The following TM4SF4 variants were observed in gnomAD, a reference collection of about 807,000 sequenced individuals.
TM4SF4 encodes the protein transmembrane 4 L6 family member 4.
Under a neutral mutation model 24.1 loss-of-function variants are expected in TM4SF4, and 24 were observed. That is an observed-to-expected ratio of 1.00 (90% CI 0.72 to 1.40). TM4SF4 has a LOEUF of 1.40. TM4SF4 is among the 40% of genes most tolerant of loss of function. TM4SF4 has a pLI of 0.00. For synonymous variants in TM4SF4, 113 were observed against 97.0 expected (o/e 1.17, Z -0.97); for missense variants, 254 against 254.2 (o/e 1.00, Z 0.01).
intron 3 of TM4SF4, among the ~76,000 whole-genome samples, chr3:149,490,550 T>G (rs528307443): frequency 1.3e-5 from 2 of 152,296 alleles, no homozygotes; most frequent in African/African-American, 4.8e-5. Context: ...AAATCCAAGT[T>G]TTCTCACTCC....
chr3:149,479,356 C>A (rs538159656), intron 2 of TM4SF4, among the ~76,000 whole-genome samples: 1 of 133,514 alleles, frequency 7.5e-6, no homozygotes, highest in South Asian at 2.2e-4. Flanking sequence ...ATTTCTTTTT[C>A]TTTTCTTTTC....
At chr3:149,476,814 G>GTTTTTTTTTTTTTTT (rs67092416) in intron 2 of TM4SF4, among the ~76,000 whole-genome samples, 1 of 81,208 alleles carries the variant, frequency 1.2e-5, no homozygotes, top group Admixed American at 1.4e-4. Flanking sequence ...TTTTGTTTTT[G>GTTTTTTTTTTTTTTT]TTTTTTTTTT....
chr3:149,475,930 G>A lies in TM4SF4; in HGVS notation c.264+18G>A, dbSNP rs773294618. ...GATTTGCGGTGAGTTACCATGGGGG[G>A]CAGCTACTAGAATTACTCCAGGGTG... On this transcript the variant is annotated intron_variant, in intron 2 of 4. Transcript: ENST00000305354. 27 of 1,598,392 alleles carry A rather than the reference G, an allele frequency of 1.7e-5. No individual in the cohort carries two copies. In the East Asian group the frequency reaches 4.0e-4, roughly 24 times the overall value.
chr3:149,476,659 A>G (rs1733932999), intron 2 of TM4SF4, among the ~76,000 whole-genome samples: 1 of 152,232 alleles, frequency 6.6e-6, no homozygotes, highest in Non-Finnish European at 1.5e-5. Flanking sequence ...CTGGTGCTAC[A>G]CAGATGTGCT....
At chr3:149,497,681 G>A (rs568271456) in intron 3 of TM4SF4, among the ~76,000 whole-genome samples, 2 of 151,972 alleles carry the variant, frequency 1.3e-5, no homozygotes, top group Non-Finnish European at 2.9e-5. Context: ...TTTCGTTCTT[G>A]TTGCCCAGGC....
intron 2 of TM4SF4, among the ~76,000 whole-genome samples, chr3:149,478,807 A>G (rs1733979110): frequency 1.3e-5 from 2 of 152,200 alleles, no homozygotes; most frequent in Non-Finnish European, 2.9e-5. Flanking sequence ...GTCCCCCAGC[A>G]GGCTGGAGTG....
chr3:149,484,877 G>A (rs1237225996), intron 2 of TM4SF4, among the ~76,000 whole-genome samples: 3 of 152,008 alleles, frequency 2.0e-5, no homozygotes, highest in Non-Finnish European at 4.4e-5. Flanking sequence ...ACTATAACAA[G>A]GCCTAGAATA....
At chr3:149,491,380 C>T (rs1046037162) in intron 3 of TM4SF4, among the ~76,000 whole-genome samples, 2 of 151,782 alleles carry the variant, frequency 1.3e-5, no homozygotes, top group Non-Finnish European at 1.5e-5. Flanking sequence ...GTGGGAGGAT[C>T]GTTTGGGCCC....
intron 2 of TM4SF4, among the ~76,000 whole-genome samples, chr3:149,483,438 G>T (rs1345576035): frequency 1.3e-5 from 2 of 150,918 alleles, no homozygotes; most frequent in African/African-American, 2.4e-5. Context: ...AACACAGTGA[G>T]ACCCCATCTC....
intron 3 of TM4SF4, among the ~76,000 whole-genome samples, chr3:149,496,827 A>T (rs1419141196): frequency 1.3e-5 from 2 of 151,972 alleles, no homozygotes; most frequent in Non-Finnish European, 2.9e-5. Context: ...ATCTCAGTGA[A>T]TTCTCACAAT....
Position 149,487,713 on chromosome 3 carries a change from G to A in TM4SF4, c.359G>A (p.Cys120Tyr). 1 of 1,614,004 alleles carries A rather than the reference G, an allele frequency of 6.2e-7. No homozygotes were observed. The highest frequency in any genetic ancestry group is 8.5e-7 in the Non-Finnish European group (1 of 1,179,888). ...ATTTCAATCAACAAGGGTCCTAAAT[G>A]CCTCATGGCCAATAGTACATGGGGC... Reference protein sequence around the residue: ...SAISINKGPKCLMANSTWGYP... With the variant: ...SAISINKGPKYLMANSTWGYP... The change falls in exon 3 of 5, where the codon TGC (cysteine) becomes TAC (tyrosine). Residue 120 changes from cysteine (C) to tyrosine (Y), a missense_variant. Transcript: ENST00000305354.
intron 3 of TM4SF4, chr3:149,495,672 G>A: frequency 3.4e-6 from 1 of 289,940 alleles, no homozygotes; most frequent in Non-Finnish European, 7.1e-6. Flanking sequence ...GCACCACCCA[G>A]GCCAAATCAG....
chr3:149,477,382 T>A (rs1460862316), intron 2 of TM4SF4, among the ~76,000 whole-genome samples: 2 of 152,168 alleles, frequency 1.3e-5, no homozygotes, highest in Non-Finnish European at 2.9e-5. Context: ...TCCTGTAATC[T>A]CCCATGGTTC....
At chr3:149,476,792 GTTTTTTT>G (rs1222196664) in intron 2 of TM4SF4, among the ~76,000 whole-genome samples, 1 of 102,854 alleles carries the variant, frequency 9.7e-6, no homozygotes, top group Non-Finnish European at 2.2e-5. Flanking sequence ...TTTCTTTTCT[GTTTTTTT>G]TTGTTTTTGT....
chr3:149,478,322 T>C (rs1733971927), intron 2 of TM4SF4, among the ~76,000 whole-genome samples: 1 of 152,114 alleles, frequency 6.6e-6, no homozygotes, highest in Non-Finnish European at 1.5e-5. Flanking sequence ...ATTTTGTATT[T>C]TTAGTAGAGA....
rs1283774542 is a variant in TM4SF4 at position 149,475,005 on chromosome 3, C to T, written c.128C>T (p.Ser43Phe). Residue 43 changes from serine (S) to phenylalanine (F), a missense_variant, in exon 1 of 5, where the codon TCC becomes TTC. Ser to Phe is a radical substitution (Grantham distance 155). Coordinates refer to ENST00000305354, the MANE Select transcript of TM4SF4 (RefSeq NM_004617.4). ...GTGATAGATGACAACGACCACCTTTCCCAAGAGATCTGGTTTTTCGGAGGA... is the reference window on the plus strand; with the variant it reads ...GTGATAGATGACAACGACCACCTTTTCCAAGAGATCTGGTTTTTCGGAGGA... ...GKVIDDNDHL[S>F]QEIWFFGGIL... is the part of the protein sequence containing the mutation. The T allele has an allele frequency of 6.2e-7, 1 of 1,613,730 alleles. No homozygotes were observed. The highest frequency in any genetic ancestry group is 8.5e-7 in the Non-Finnish European group (1 of 1,179,856).
rs188249785 is a variant in TM4SF4, at chr3:149,475,836, C to T, written c.188C>T (p.Ala63Val). 1.0e-4 allele frequency: 168 copies of T among 1,611,492 alleles called. No homozygotes were observed. The highest frequency in any genetic ancestry group is 1.2e-4 in the Non-Finnish European group (137 of 1,179,006). Residue 63 changes from alanine to valine, a missense_variant, in exon 2 of 5, where the codon GCG becomes GTG. Coordinates refer to ENST00000305354, the MANE Select transcript of TM4SF4 (RefSeq NM_004617.4). ...TTCTCCTGGTAGATGATCTTCCCTGCGCTGGTGTTCTTGGGCCTGAAGAAC... is the reference window on the plus strand; with the variant it reads ...TTCTCCTGGTAGATGATCTTCCCTGTGCTGGTGTTCTTGGGCCTGAAGAAC... ...LGSGVLMIFPALVFLGLKNND... is the reference protein window; with the variant it reads ...LGSGVLMIFPVLVFLGLKNND...
At chr3:149,491,529 A>G (rs1191538243) in intron 3 of TM4SF4, among the ~76,000 whole-genome samples, 3 of 152,094 alleles carry the variant, frequency 2.0e-5, no homozygotes, top group Non-Finnish European at 4.4e-5. Flanking sequence ...ACACACATTT[A>G]TATATCTACA....
chr3:149,490,469 C>T (rs1734190746), intron 3 of TM4SF4, among the ~76,000 whole-genome samples: 1 of 152,226 alleles, frequency 6.6e-6, no homozygotes, highest in African/African-American at 2.4e-5. Flanking sequence ...CCTTCAGAGG[C>T]AGGACAGCCA....
Sources: gnomAD v4.1 joint callset for allele counts (sites outside exome capture counted in the v4.1 genomes callset) on GRCh38, gnomAD v4.1.1 for gene constraint, MANE v1.5 for transcripts, NCBI Gene and HGNC (gene_info 2026-07-23, HGNC 2026-07-21) for gene names.